Variants in CEP135 observed in about 807,000 individuals in gnomAD.
The protein encoded by CEP135 is centrosomal protein of 135 kDa.
Under a neutral mutation model 157.3 loss-of-function variants are expected in CEP135, and 142 were observed. The ratio of observed to expected loss-of-function variants is 0.90; its 90% CI spans 0.79 to 1.04. The LOEUF (loss-of-function observed/expected upper bound fraction) is 1.04. CEP135 is among the 50% of genes least tolerant of loss of function. The probability of loss-of-function intolerance (pLI) is 0.00; values close to 1 mark genes in which losing one functional copy is unlikely to be tolerated. For synonymous variants in CEP135, 396 were observed against 439.8 expected (o/e 0.90, Z 1.25); for missense variants, 1,317 against 1,309.2 (o/e 1.01, Z -0.09).
At chr4:56,007,905 C>T (rs1730413443) in intron 17 of CEP135, among the ~76,000 whole-genome samples, 1 of 152,016 alleles carries the variant, frequency 6.6e-6, no homozygotes, top group Admixed American at 6.5e-5. Flanking sequence ...TTTTGGTTTT[C>T]TTTGTCAGGA....
rs1729820516 is a variant in CEP135 at position 55,992,139 on chromosome 4, T to C, written c.2009+54T>C. ...ATTTCTGGGAATGTGTTTGTGGTTA[T>C]GTAAAGTTTATAATCATGGCATTTT... On this transcript the variant is annotated intron_variant, in intron 15 of 25. Coordinates refer to ENST00000257287, the MANE Select transcript of CEP135 (RefSeq NM_025009.5). 3.2e-6 allele frequency: 5 copies of C among 1,541,320 alleles called. No individual in the cohort carries two copies. In the African/African-American group the frequency reaches 4.2e-5, roughly 13 times the overall value.
rs115630139 is a variant in CEP135 at position 56,004,625 on chromosome 4, C to A, written c.2281-3702C>A. 2.6e-3 allele frequency among the ~76,000 whole-genome samples: 400 copies of A among 152,252 alleles called. 5 individuals carry two copies. The highest frequency in any genetic ancestry group is 0.014 in the Middle Eastern group (4 of 294). ...TAAATATGTATAATTATTATACTCT[C>A]TTTCTGTATTGACCCCTTTATAATT... On this transcript the variant is annotated intron_variant, in intron 17 of 25. Coordinates refer to ENST00000257287, the MANE Select transcript of CEP135 (RefSeq NM_025009.5).
chr4:56,020,909 G>C (rs1213463640), intron 24 of CEP135, 129 bp downstream of exon 24: 1 of 615,104 alleles, frequency 1.6e-6, no homozygotes, highest in Non-Finnish European at 2.7e-6. Flanking sequence ...CATTTCTTTG[G>C]TAATTCTTCC....
At chr4:55,982,072 AC>A (rs1444330739) in intron 13 of CEP135, among the ~76,000 whole-genome samples, 1 of 152,052 alleles carries the variant, frequency 6.6e-6, no homozygotes, top group East Asian at 1.9e-4. Context: ...CATTTTCATC[AC>A]CACAAAAAGA....
At chr4:56,019,664 A>C (rs1730905388) in intron 23 of CEP135, 109 bp downstream of exon 23, 11 of 816,288 alleles carry the variant, frequency 1.3e-5, no homozygotes, top group Non-Finnish European at 1.9e-5. Context: ...GGCCAGGTGC[A>C]GTGGCTCACA....
At chr4:55,949,651 G>C (rs1363109696) in intron 1 of CEP135, among the ~76,000 whole-genome samples, 1 of 152,206 alleles carries the variant, frequency 6.6e-6, no homozygotes, top group Non-Finnish European at 1.5e-5. Context: ...TACTGGTTTT[G>C]AGACGCCAAC....
At chr4:56,008,554 C>T (rs1195854043) in intron 18 of CEP135, among the ~76,000 whole-genome samples, 172 bp downstream of exon 18, 5 of 152,146 alleles carry the variant, frequency 3.3e-5, no homozygotes, top group Non-Finnish European at 5.9e-5. Flanking sequence ...TCTTCTTTAA[C>T]CTCTCCTTTT....
In CEP135 at chr4:55,971,348, C is replaced by A; in HGVS notation, c.1189C>A (p.His397Asn). 6.2e-7 allele frequency: 1 copy of A among 1,606,116 alleles called. No homozygotes were observed. The highest frequency in any genetic ancestry group is 1.1e-5 in the South Asian group (1 of 89,746). ...AAAATCAGACCTAGAAACTGTTGTT[C>A]ATCAGCTTGAACAAGAAAAGCAAAG... is the stretch of plus-strand genomic sequence containing the variant. ...LVKSDLETVV[H>N]QLEQEKQRLS... Residue 397 changes from histidine to asparagine, a missense_variant, in exon 10 of 26, where the codon CAT (histidine) becomes AAT (asparagine). His to Asn is a moderately conservative substitution (Grantham distance 68, BLOSUM62 1). Transcript: ENST00000257287.
intron 19 of CEP135, among the ~76,000 whole-genome samples, chr4:56,010,378 A>T (rs1730538986): frequency 7.1e-6 from 1 of 140,500 alleles, no homozygotes; most frequent in Non-Finnish European, 1.5e-5. Context: ...AAAAAAAAAA[A>T]TGGGCAACAG....
At chr4:55,965,222 T>C (rs1728805396) in intron 7 of CEP135, 1 of 152,552 alleles carries the variant, frequency 6.6e-6, no homozygotes. Flanking sequence ...CATACCTATT[T>C]TTTTGTTTGT....
chr4:55,953,755 A>G (rs1451669193), intron 3 of CEP135, among the ~76,000 whole-genome samples: 1 of 152,206 alleles, frequency 6.6e-6, no homozygotes, highest in African/African-American at 2.4e-5. Flanking sequence ...CTTACTGAAA[A>G]TAAAAGTAGT....
intron 25 of CEP135, 53 bp downstream of exon 25, chr4:56,024,667 C>G: frequency 8.0e-7 from 1 of 1,246,938 alleles, no homozygotes; most frequent in Admixed American, 1.7e-5. Context: ...TGTAAAAATT[C>G]AGAAAGTAGT....
intron 17 of CEP135, among the ~76,000 whole-genome samples, chr4:56,002,655 G>T (rs1212477089): frequency 6.6e-6 from 1 of 152,034 alleles, no homozygotes; most frequent in Non-Finnish European, 1.5e-5. Flanking sequence ...TTGTGTTGAG[G>T]ATTTTTGCAT....
chr4:55,971,220 A>G, intron 9 of CEP135, 50 bp from the exon 10 acceptor site: 3 of 1,408,366 alleles, frequency 2.1e-6, no homozygotes, highest in Non-Finnish European at 2.9e-6. Context: ...AAGTGCGATA[A>G]TATTTTATAA....
intron 5 of CEP135, among the ~76,000 whole-genome samples, chr4:55,957,635 T>C (rs1187337937): frequency 6.6e-6 from 1 of 152,362 alleles, no homozygotes; most frequent in South Asian, 2.1e-4. Flanking sequence ...TAGAGCTGCT[T>C]TGACATTTTG....
In CEP135 at chr4:56,018,861, A is replaced by ATT. The variant is rs559639041; in HGVS notation, c.3013-492_3013-491insTT. On this transcript the variant is annotated intron_variant, in intron 22 of 25. Transcript: ENST00000257287. ...ATCTCAAGGTGTTTAAATCTTAATT[A>ATT]AACAAGTCTATTTAGCTAGAATTTA... Among the ~76,000 whole-genome samples, 7 of 152,396 alleles carry ATT rather than the reference A, an allele frequency of 4.6e-5. No homozygotes were observed. The South Asian group carries it at 1.4e-3, about 32-fold the overall frequency.
At chr4:56,020,301 G>A (rs1397904494) in intron 23 of CEP135, among the ~76,000 whole-genome samples, 1 of 152,136 alleles carries the variant, frequency 6.6e-6, no homozygotes, top group African/African-American at 2.4e-5. Flanking sequence ...TGTAGGAAGA[G>A]GGAAAGAAAC....
At chr4:55,999,775 C>CTCCGCCT in intron 17 of CEP135, 130 bp downstream of exon 17, 1 of 852,374 alleles carries the variant, frequency 1.2e-6, no homozygotes, top group Non-Finnish European at 1.8e-6. Context: ...TCACTGCAAC[C>CTCCGCCT]CCTATCTCTT....
At chr4:55,955,961 T>C (rs912515065) in intron 4 of CEP135, among the ~76,000 whole-genome samples, 4 of 152,132 alleles carry the variant, frequency 2.6e-5, no homozygotes, top group Non-Finnish European at 5.9e-5. Flanking sequence ...GTAAGAATTA[T>C]CTAGTGAGAT....
Sources: gnomAD v4.1 joint callset for allele counts (sites outside exome capture counted in the v4.1 genomes callset) on GRCh38, gnomAD v4.1.1 for gene constraint, MANE v1.5 for transcripts, NCBI Gene and HGNC (gene_info 2026-07-23, HGNC 2026-07-21) for gene names.